Variants in MYO3B observed in about 807,000 individuals in gnomAD.
MYO3B encodes the protein myosin IIIB.
A neutral mutation model predicts 174.6 loss-of-function variants in MYO3B; 156 were observed. The observed-to-expected ratio is 0.89, with a 90% CI of 0.78 to 1.02. The LOEUF (loss-of-function observed/expected upper bound fraction) is 1.02, where lower values mean the gene tolerates loss of function less well. Ranked by LOEUF, MYO3B falls within the 50% of genes least tolerant of loss-of-function variation. The pLI, the probability that MYO3B is intolerant of heterozygous loss-of-function variation, is 0.00. For synonymous variants in MYO3B, 563 were observed against 569.1 expected (o/e 0.99, Z 0.15); for missense variants, 1,632 against 1,639.4 (o/e 1.00, Z 0.08).
chr2:170,230,217 T>A (rs1057003544), intron 6 of MYO3B, among the ~76,000 whole-genome samples: 48 of 150,710 alleles, frequency 3.2e-4, no homozygotes, highest in African/African-American at 1.1e-3. Flanking sequence ...TTACCCAGGC[T>A]GGAGTGCAGT....
At chr2:170,625,589 C>A (rs1232138401) in intron 32 of MYO3B, among the ~76,000 whole-genome samples, 2 of 152,142 alleles carry the variant, frequency 1.3e-5, no homozygotes, top group Admixed American at 1.3e-4. Context: ...TTCTTGCTTT[C>A]TGCTAGCTTT....
At chr2:170,606,645 C>G (rs1183156303) in intron 32 of MYO3B, among the ~76,000 whole-genome samples, 3 of 152,182 alleles carry the variant, frequency 2.0e-5, no homozygotes, top group Non-Finnish European at 2.9e-5. Flanking sequence ...GACATTCGAT[C>G]AATGATGAGC....
intron 22 of MYO3B, chr2:170,411,885 AC>A (rs2094548163): frequency 6.6e-6 from 1 of 152,172 alleles, no homozygotes; most frequent in Non-Finnish European, 1.5e-5. Flanking sequence ...GTTCTCAGTG[AC>A]CTTGTGGTAA....
At chr2:170,246,617 G>A (rs2093193209) in intron 7 of MYO3B, among the ~76,000 whole-genome samples, 1 of 151,654 alleles carries the variant, frequency 6.6e-6, no homozygotes, top group Middle Eastern at 3.4e-3. Context: ...ACTAGAAGAG[G>A]CAAGGAAGGA....
chr2:170,317,929 T>C (rs1371046346), intron 7 of MYO3B, among the ~76,000 whole-genome samples: 1 of 152,206 alleles, frequency 6.6e-6, no homozygotes, highest in Non-Finnish European at 1.5e-5. Flanking sequence ...TACTGATTCA[T>C]GGGACGCATT....
chr2:170,511,920 G>A (rs150175850), intron 28 of MYO3B, among the ~76,000 whole-genome samples: 3 of 152,198 alleles, frequency 2.0e-5, no homozygotes, highest in Non-Finnish European at 4.4e-5. Flanking sequence ...TCCTGAAGCT[G>A]GTGGGAGTCA....
intron 7 of MYO3B, among the ~76,000 whole-genome samples, chr2:170,303,174 T>A (rs137935322): frequency 6.6e-6 from 1 of 152,306 alleles, no homozygotes; most frequent in African/African-American, 2.4e-5. Flanking sequence ...AATGGAAAAC[T>A]GTTTTTTTAA....
At chr2:170,238,426 A>G (rs2093095429) in intron 7 of MYO3B, among the ~76,000 whole-genome samples, 2 of 152,102 alleles carry the variant, frequency 1.3e-5, no homozygotes, top group Non-Finnish European at 2.9e-5. Context: ...AATGACAAAA[A>G]TCCTTTGAAT....
intron 32 of MYO3B, among the ~76,000 whole-genome samples, chr2:170,637,171 GTTTT>G (rs33947498): frequency 6.4e-5 from 8 of 125,272 alleles, no homozygotes; most frequent in East Asian, 2.3e-4. Context: ...AGAGTGTAGG[GTTTT>G]TTTTTTTTTT....
At chr2:170,335,145 C>T (rs564017237) in intron 7 of MYO3B, among the ~76,000 whole-genome samples, 1 of 152,234 alleles carries the variant, frequency 6.6e-6, no homozygotes, top group African/African-American at 2.4e-5. Context: ...TGTTCCTGAT[C>T]TTTGTAACTT....
At chr2:170,254,097 C>G (rs1246467461) in intron 7 of MYO3B, among the ~76,000 whole-genome samples, 2 of 152,032 alleles carry the variant, frequency 1.3e-5, no homozygotes, top group Non-Finnish European at 2.9e-5. Flanking sequence ...TCACTGAGCA[C>G]CACGACCAGC....
intron 9 of MYO3B, among the ~76,000 whole-genome samples, chr2:170,375,738 C>T (rs1380040447): frequency 6.6e-6 from 1 of 151,582 alleles, no homozygotes; most frequent in African/African-American, 2.4e-5. Flanking sequence ...CACACACACA[C>T]ACACACAGAG....
chr2:170,250,744 T>C (rs780744682), intron 7 of MYO3B, among the ~76,000 whole-genome samples: 25 of 152,066 alleles, frequency 1.6e-4, no homozygotes, highest in African/African-American at 5.6e-4. Flanking sequence ...TGGGGTTTTA[T>C]TGGGTGGTGG....
At chr2:170,453,409 TACAC>T (rs35558091) in intron 23 of MYO3B, among the ~76,000 whole-genome samples, 24,068 of 130,990 alleles carry the variant, frequency 0.18, 2,424 homozygotes, top group East Asian at 0.23. Context: ...GTTTACCATT[TACAC>T]ACACACACAC....
chr2:170,201,380 A>G (rs1013854291), intron 3 of MYO3B, among the ~76,000 whole-genome samples: 1 of 152,200 alleles, frequency 6.6e-6, no homozygotes, highest in African/African-American at 2.4e-5. Flanking sequence ...GTGTGGACAC[A>G]AGTGGAAGCC....
chr2:170,501,695 C>CA (rs1286891159), intron 27 of MYO3B, 90 bp from the exon 28 acceptor site: 1 of 801,230 alleles, frequency 1.2e-6, no homozygotes, highest in African/African-American at 1.7e-5. Flanking sequence ...ATGAGACGGG[C>CA]AATAGGCTGG....
At chr2:170,258,106 A>T (rs1045462761) in intron 7 of MYO3B, among the ~76,000 whole-genome samples, 1 of 152,070 alleles carries the variant, frequency 6.6e-6, no homozygotes, top group Admixed American at 6.5e-5. Flanking sequence ...CTAAAAAGCT[A>T]TGGACTAGAT....
chr2:170,632,695 G>C (rs1372671610), intron 32 of MYO3B, among the ~76,000 whole-genome samples: 1 of 152,146 alleles, frequency 6.6e-6, no homozygotes, highest in East Asian at 1.9e-4. Context: ...GAATCCAGGA[G>C]CTGGTTTTTT....
At chr2:170,625,786 T>C (rs1036717838) in intron 32 of MYO3B, among the ~76,000 whole-genome samples, 1 of 152,226 alleles carries the variant, frequency 6.6e-6, no homozygotes, top group East Asian at 1.9e-4. Context: ...AGAACATCTT[T>C]ATTTCTGCCT....
Sources: gnomAD v4.1 joint callset for allele counts (sites outside exome capture counted in the v4.1 genomes callset) on GRCh38, gnomAD v4.1.1 for gene constraint, MANE v1.5 for transcripts, NCBI Gene and HGNC (gene_info 2026-07-23, HGNC 2026-07-21) for gene names.